The following PLA2G6 variants were observed in gnomAD, a reference collection of about 807,000 sequenced individuals.
The protein encoded by PLA2G6 is 85/88 kDa calcium-independent phospholipase A2.
PLA2G6 carries 62 observed loss-of-function variants against 83.8 expected under a neutral mutation model. The observed-to-expected ratio is 0.74, with a 90% CI of 0.60 to 0.91. PLA2G6 has a LOEUF of 0.91. Among genes scored for constraint, PLA2G6 ranks in the 40% least tolerant of loss-of-function variants. PLA2G6 has a pLI of 0.00. For missense variants in PLA2G6, 944 were observed against 1,102.0 expected (o/e 0.86, Z 2.03); for synonymous variants, 417 against 449.8 (o/e 0.93, Z 0.92).
chr22:38,150,205 T>C (rs982045412), intron 2 of PLA2G6: 11 of 152,184 alleles, frequency 7.2e-5, no homozygotes, highest in African/African-American at 2.7e-4. Context: ...CTTTACCCTT[T>C]AATCTGGCGA....
chr22:38,133,045 G>A (rs1487557334), intron 6 of PLA2G6, 32 bp from the exon 7 acceptor site: 2 of 1,543,608 alleles, frequency 1.3e-6, no homozygotes, highest in Non-Finnish European at 1.7e-6. Context: ...AGTTAGCACA[G>A]GCACTCGGGG....
chr22:38,128,318 G>C lies in PLA2G6; in HGVS notation c.1299C>G (p.Pro433=). 6.2e-7 allele frequency: 1 copy of C among 1,613,336 alleles called. No individual in the cohort carries two copies. Among genetic ancestry groups the C allele is most frequent in the Non-Finnish European group, 8.5e-7 (1 of 1,180,022 alleles). Residue 433 remains proline (P), a synonymous_variant, in exon 9 of 17, where the codon CCC becomes CCG. Coordinates refer to ENST00000332509, the MANE Select transcript of PLA2G6 (RefSeq NM_003560.4). The surrounding 1 kb of genome is among the most constrained non-coding windows in gnomAD (Gnocchi z 4.4). The part of the protein sequence containing the change: ...AEQGSAAPHH[P]FSLERAQPPP... Reference sequence around the variant, plus strand: ...GGGGCTGAGCTCTTTCCAGGGAGAAGGGATGATGTGGCGCTGCAGAGCCCT... The same window carrying C: ...GGGGCTGAGCTCTTTCCAGGGAGAACGGATGATGTGGCGCTGCAGAGCCCT...
intron 3 of PLA2G6, 23 bp from the exon 4 acceptor site, chr22:38,143,311 G>A (rs1319914779): frequency 6.2e-7 from 1 of 1,605,618 alleles, no homozygotes; most frequent in Non-Finnish European, 8.5e-7. Context: ...GCCAGGGTGA[G>A]CAGAGGTGAG....
At chr22:38,170,661 G>A (rs132992) in intron 1 of PLA2G6, among the ~76,000 whole-genome samples, 17,869 of 152,050 alleles carry the variant, frequency 0.12, 1,276 homozygotes, top group African/African-American at 0.18. Flanking sequence ...GACGGAGGCC[G>A]CCCTCTGCCT....
chr22:38,119,610 C>T (rs1168530589), intron 12 of PLA2G6, among the ~76,000 whole-genome samples: 1 of 152,092 alleles, frequency 6.6e-6, no homozygotes, highest in Non-Finnish European at 1.5e-5. Context: ...AGGATCGCCT[C>T]AGCTCAGGAG....
At chr22:38,169,616 G>C in intron 1 of PLA2G6, 145 bp from the exon 2 acceptor site, 1 of 630,968 alleles carries the variant, frequency 1.6e-6, no homozygotes, top group South Asian at 1.8e-5. Flanking sequence ...CTTAAAAGGA[G>C]GGGAAAGAAA....
At chr22:38,153,204 C>T (rs554528317) in intron 2 of PLA2G6, among the ~76,000 whole-genome samples, 14 of 152,132 alleles carry the variant, frequency 9.2e-5, no homozygotes, top group African/African-American at 3.1e-4. Flanking sequence ...GGCCGAGGTG[C>T]GTGGATCACC....
At chr22:38,165,867 G>A (rs891408039) in intron 2 of PLA2G6, among the ~76,000 whole-genome samples, 3 of 152,072 alleles carry the variant, frequency 2.0e-5, no homozygotes, top group Non-Finnish European at 4.4e-5. Context: ...GCGACAGAGC[G>A]AGACTCCATC....
chr22:38,145,833 A>ACACACACACACC (rs1491467180), intron 2 of PLA2G6, 180 bp from the exon 3 acceptor site: 24 of 595,202 alleles, frequency 4.0e-5, no homozygotes, highest in East Asian at 8.9e-5. Flanking sequence ...ACACACACAC[A>ACACACACACACC]CCCCTATACA....
In PLA2G6 at chr22:38,112,181, G is replaced by A. The variant is rs760705741; in HGVS notation, c.2401C>T (p.Gln801Ter). 1.9e-6 allele frequency: 3 copies of A among 1,591,832 alleles called. No individual in the cohort carries two copies. The highest frequency in any genetic ancestry group is 1.1e-5 in the South Asian group (1 of 87,606). The change falls in exon 17 of 17, where the codon CAG (glutamine) becomes TAG (stop). Residue 801 changes from glutamine (Q) to a stop codon, truncating the protein, a stop_gained. Coordinates refer to ENST00000332509, the MANE Select transcript of PLA2G6 (RefSeq NM_003560.4). LOFTEE classifies it high-confidence loss of function. ...EHREEFQKLI[Q>*]LLLSP ...GACCCTCAGGGTGAGAGCAGCAGCT[G>A]GATGAGCTTCTGGAACTCCTCGCGG...
At chr22:38,169,158 C>T in intron 2 of PLA2G6, 60 bp downstream of exon 2, 2 of 1,340,774 alleles carry the variant, frequency 1.5e-6, no homozygotes, top group Non-Finnish European at 2.1e-6. Flanking sequence ...AATAAGACCT[C>T]CAATCCGAGA....
intron 12 of PLA2G6, chr22:38,116,482 T>G: frequency 4.9e-6 from 3 of 616,370 alleles, no homozygotes; most frequent in Non-Finnish European, 9.4e-6. Flanking sequence ...GTTGCAAGAC[T>G]GATAAAACAT....
intron 5 of PLA2G6, chr22:38,135,806 T>A (rs2088517353): frequency 6.6e-6 from 1 of 152,100 alleles, no homozygotes; most frequent in Admixed American, 6.6e-5. Flanking sequence ...TCCCAACACT[T>A]TGGGAGGCTG....
At chr22:38,176,526 G>A (rs2090637467) in intron 1 of PLA2G6, among the ~76,000 whole-genome samples, 1 of 152,186 alleles carries the variant, frequency 6.6e-6, no homozygotes, top group African/African-American at 2.4e-5. Context: ...ACCCTCCTGA[G>A]CACCCTCCTC....
At chr22:38,112,678 C>T in intron 15 of PLA2G6, 101 bp from the exon 16 acceptor site, 1 of 1,024,612 alleles carries the variant, frequency 9.8e-7, no homozygotes, top group Non-Finnish European at 1.5e-6. Context: ...CCTGGGGAGC[C>T]CCAGGCTCTT....
chr22:38,175,326 G>A (rs919024878), intron 1 of PLA2G6, among the ~76,000 whole-genome samples: 1 of 151,928 alleles, frequency 6.6e-6, no homozygotes, highest in Non-Finnish European at 1.5e-5. Flanking sequence ...ACCCCTCCAT[G>A]CCCACTGTAC....
At chr22:38,156,533 C>T (rs868683142) in intron 2 of PLA2G6, among the ~76,000 whole-genome samples, 6 of 151,862 alleles carry the variant, frequency 4.0e-5, no homozygotes, top group Non-Finnish European at 7.4e-5. Context: ...GGCTCACTAC[C>T]AGCTCTGCCT....
At chr22:38,156,819 A>T (rs1272879744) in intron 2 of PLA2G6, among the ~76,000 whole-genome samples, 1 of 152,216 alleles carries the variant, frequency 6.6e-6, no homozygotes, top group Non-Finnish European at 1.5e-5. Context: ...AAAACTACAA[A>T]TCAAAAACAA....
At chr22:38,165,641 A>C (rs2090184165) in intron 2 of PLA2G6, among the ~76,000 whole-genome samples, 1 of 152,164 alleles carries the variant, frequency 6.6e-6, no homozygotes, top group South Asian at 2.1e-4. Context: ...TGGGAGGCTG[A>C]GGCGGGCAGA....
Sources: allele counts gnomAD v4.1 joint callset (sites outside exome capture counted in the v4.1 genomes callset), GRCh38; gene constraint gnomAD v4.1.1; non-coding constraint Gnocchi (gnomAD v3.1); transcripts MANE v1.5; gene names NCBI Gene and HGNC (gene_info 2026-07-23, HGNC 2026-07-21).